WDR49: variants seen among roughly 807,000 people sequenced by gnomAD.
The protein encoded by WDR49 is WD repeat domain 49.
Under a neutral mutation model 119.5 loss-of-function variants are expected in WDR49, and 107 were observed. The observed-to-expected ratio is 0.90, with a 90% CI of 0.77 to 1.05. The LOEUF is 1.05. WDR49 is among the 50% of genes least tolerant of loss of function. The pLI, the probability that WDR49 is intolerant of heterozygous loss-of-function variation, is 0.00. For missense variants in WDR49, 1,240 were observed against 1,220.5 expected (o/e 1.02, Z -0.24); for synonymous variants, 425 against 418.8 (o/e 1.01, Z -0.18).
intron 18 of WDR49, among the ~76,000 whole-genome samples, chr3:167,486,784 A>C (rs766725151): frequency 6.6e-6 from 1 of 152,094 alleles, no homozygotes; most frequent in Non-Finnish European, 1.5e-5. Flanking sequence ...TAATACTGAC[A>C]GACTTCAATA....
intron 18 of WDR49, among the ~76,000 whole-genome samples, chr3:167,498,148 A>C (rs1751430919): frequency 6.6e-6 from 1 of 152,036 alleles, no homozygotes; most frequent in Admixed American, 6.6e-5. Flanking sequence ...CCCCCATTTC[A>C]TTCTTAAAGG....
intron 9 of WDR49, among the ~76,000 whole-genome samples, chr3:167,559,385 G>A (rs1577239675): frequency 6.6e-6 from 1 of 152,138 alleles, no homozygotes; most frequent in Non-Finnish European, 1.5e-5. Flanking sequence ...GCTGAGGGGG[G>A]CAGAGAAGAT....
intron 15 of WDR49, among the ~76,000 whole-genome samples, chr3:167,524,026 A>T (rs1013748699): frequency 6.6e-6 from 1 of 152,088 alleles, no homozygotes; most frequent in Non-Finnish European, 1.5e-5. Flanking sequence ...GTGTAAAAGC[A>T]TTCCTATTTC....
At chr3:167,485,979 A>G (rs1750904648) in intron 18 of WDR49, among the ~76,000 whole-genome samples, 1 of 151,234 alleles carries the variant, frequency 6.6e-6, no homozygotes, top group South Asian at 2.1e-4. Context: ...ATGCAAAAGA[A>G]AAAAAAAAGG....
chr3:167,519,067 A>C (rs1752326427), intron 16 of WDR49, among the ~76,000 whole-genome samples: 1 of 152,190 alleles, frequency 6.6e-6, no homozygotes, highest in South Asian at 2.1e-4. Flanking sequence ...AATCAAAACC[A>C]CAGTGAGATA....
chr3:167,625,675 G>A (rs1198226015), intron 3 of WDR49, among the ~76,000 whole-genome samples: 2 of 151,964 alleles, frequency 1.3e-5, no homozygotes, highest in African/African-American at 4.8e-5. Context: ...CTCAGGAAGA[G>A]GAAGAACCAG....
intron 7 of WDR49, among the ~76,000 whole-genome samples, chr3:167,586,256 G>C (rs1274980944): frequency 8.2e-6 from 1 of 122,056 alleles, no homozygotes; most frequent in Non-Finnish European, 1.6e-5. Context: ...GTCTCCATCA[G>C]AGAGTTTGAC....
At chr3:167,599,709 T>A (rs1328261541) in intron 7 of WDR49, among the ~76,000 whole-genome samples, 1 of 152,124 alleles carries the variant, frequency 6.6e-6, no homozygotes, top group East Asian at 1.9e-4. Context: ...CACATCTCAG[T>A]CTCACCCAAG....
intron 18 of WDR49, among the ~76,000 whole-genome samples, chr3:167,487,527 A>T (rs144145139): frequency 6.6e-6 from 1 of 152,172 alleles, no homozygotes; most frequent in Non-Finnish European, 1.5e-5. Context: ...AAGTTGATAA[A>T]TGGAACCTAA....
chr3:167,487,561 G>A (rs1750973211), intron 18 of WDR49, among the ~76,000 whole-genome samples: 1 of 152,034 alleles, frequency 6.6e-6, no homozygotes, highest in African/African-American at 2.4e-5. Context: ...CTTCATCACA[G>A]CAAAACAAAC....
intron 6 of WDR49, among the ~76,000 whole-genome samples, chr3:167,603,725 G>A (rs1012177375): frequency 2.0e-5 from 3 of 152,104 alleles, no homozygotes; most frequent in Non-Finnish European, 2.9e-5. Context: ...GTTAATGCCT[G>A]AGAAAGGTTA....
At position 167,586,245 on chromosome 3, in the gene WDR49, A is replaced by C. The variant is rs1714807517; in HGVS notation, c.1276-10094T>G. On this transcript the variant is annotated intron_variant, in intron 7 of 18. Transcript: ENST00000682715. Reference sequence around the variant, plus strand: ...GAATTAGGCCCACAGGCTGAATGTCAGTCTCCATCAGAGAGTTTGACATAG... The same window carrying C: ...GAATTAGGCCCACAGGCTGAATGTCCGTCTCCATCAGAGAGTTTGACATAG... Among the ~76,000 whole-genome samples the C allele has an allele frequency of 3.0e-5, 4 of 135,080 alleles. No homozygotes were observed. The South Asian group carries it at 8.5e-4, about 29-fold the overall frequency. The allele number at this position is 135,080 out of a possible 152,430, so 88.6% of individuals were successfully genotyped here.
chr3:167,542,770 G>GA (rs1347972662), intron 10 of WDR49, among the ~76,000 whole-genome samples: 1 of 151,388 alleles, frequency 6.6e-6, no homozygotes, highest in Admixed American at 6.6e-5. Context: ...CCCAGCAGAA[G>GA]AAAAAATATA....
intron 8 of WDR49, among the ~76,000 whole-genome samples, chr3:167,569,818 G>A (rs575859248): frequency 8.5e-5 from 13 of 152,258 alleles, no homozygotes; most frequent in Admixed American, 3.9e-4. Context: ...TGTGGAAGTC[G>A]TAAAACTCGT....
intron 18 of WDR49, among the ~76,000 whole-genome samples, chr3:167,488,501 A>AT (rs1407689818): frequency 1.3e-5 from 2 of 152,112 alleles, no homozygotes; most frequent in Non-Finnish European, 2.9e-5. Flanking sequence ...TGTTCCCTGT[A>AT]TCTAAAATAA....
At chr3:167,597,758 G>A (rs1170486769) in intron 7 of WDR49, among the ~76,000 whole-genome samples, 1 of 152,184 alleles carries the variant, frequency 6.6e-6, no homozygotes, top group African/African-American at 2.4e-5. Flanking sequence ...GTCTTGCTGG[G>A]TTTTGGACTT....
chr3:167,620,748 TA>T, intron 4 of WDR49, 145 bp from the exon 5 acceptor site: 2 of 747,276 alleles, frequency 2.7e-6, no homozygotes, highest in Non-Finnish European at 3.9e-6. Flanking sequence ...GGTGTTATAC[TA>T]AAAAACAGAA....
At chr3:167,573,391 T>C (rs1577249145) in intron 8 of WDR49, among the ~76,000 whole-genome samples, 2 of 142,270 alleles carry the variant, frequency 1.4e-5, no homozygotes, top group Non-Finnish European at 3.1e-5. Context: ...TTATGTGGAA[T>C]ACACACACAC....
chr3:167,655,606 A>C (rs1718574669), upstream of WDR49, among the ~76,000 whole-genome samples: 1 of 152,210 alleles, frequency 6.6e-6, no homozygotes, highest in Non-Finnish European at 1.5e-5. Flanking sequence ...ACATTTATTA[A>C]GAGCCTAATA....
Sources: gnomAD v4.1 joint callset for allele counts (sites outside exome capture counted in the v4.1 genomes callset) on GRCh38, gnomAD v4.1.1 for gene constraint, MANE v1.5 for transcripts, NCBI Gene and HGNC (gene_info 2026-07-23, HGNC 2026-07-21) for gene names.